CSMD1: variants seen among roughly 807,000 people sequenced by gnomAD.
The protein encoded by CSMD1 is CUB and Sushi multiple domains 1, also known as CUB and sushi domain-containing protein 1.
Under a neutral mutation model 417.5 loss-of-function variants are expected in CSMD1, and 213 were observed. The observed-to-expected ratio is 0.51, with a 90% CI of 0.46 to 0.57. The LOEUF is 0.57. CSMD1 is among the 20% of genes least tolerant of loss of function. The pLI, the probability that CSMD1 is intolerant of heterozygous loss-of-function variation, is 0.00. For synonymous variants in CSMD1, 2,862 were observed against 1,736.8 expected (o/e 1.65, Z -16.11); for missense variants, 6,923 against 4,529.7 (o/e 1.53, Z -15.17).
At chr8:3,912,646 C>T (rs1001363570) in intron 5 of CSMD1, among the ~76,000 whole-genome samples, 1 of 152,014 alleles carries the variant, frequency 6.6e-6, no homozygotes, top group African/African-American at 2.4e-5. Context: ...CAAGCGTCCT[C>T]AAGTGGAAAA....
intron 3 of CSMD1, among the ~76,000 whole-genome samples, chr8:4,347,788 T>C (rs1239059674): frequency 6.6e-6 from 1 of 152,118 alleles, no homozygotes; most frequent in Non-Finnish European, 1.5e-5. Flanking sequence ...TTAGTAACTC[T>C]AAATAAAATC....
chr8:3,979,688 G>A (rs193220795), intron 5 of CSMD1, among the ~76,000 whole-genome samples: 4 of 152,284 alleles, frequency 2.6e-5, no homozygotes, highest in Admixed American at 2.6e-4. Context: ...CTATGAGCCA[G>A]GACGCAATGC....
intron 3 of CSMD1, among the ~76,000 whole-genome samples, chr8:4,400,975 G>C (rs1804607304): frequency 1.3e-5 from 2 of 151,930 alleles, no homozygotes; most frequent in South Asian, 2.1e-4. Context: ...TATTCCCTAA[G>C]TATTTTAACA....
At chr8:4,869,958 A>G (rs1802639455) in intron 1 of CSMD1, among the ~76,000 whole-genome samples, 1 of 152,086 alleles carries the variant, frequency 6.6e-6, no homozygotes. Flanking sequence ...TAATCTTATA[A>G]TTGGTTAAGG....
chr8:3,572,217 C>T (rs75336309), intron 10 of CSMD1, among the ~76,000 whole-genome samples: 37 of 152,200 alleles, frequency 2.4e-4, no homozygotes, highest in African/African-American at 8.7e-4. Context: ...AGCCCCCTCT[C>T]AGTCCAAGTG....
At chr8:3,682,519 G>A (rs960372786) in intron 7 of CSMD1, among the ~76,000 whole-genome samples, 8 of 152,070 alleles carry the variant, frequency 5.3e-5, no homozygotes, top group African/African-American at 9.7e-5. Flanking sequence ...TTGGAATGGC[G>A]ATCATTAAAA....
At chr8:4,725,604 G>A (rs1047891885) in intron 1 of CSMD1, among the ~76,000 whole-genome samples, 7 of 152,154 alleles carry the variant, frequency 4.6e-5, no homozygotes, top group African/African-American at 7.2e-5. Context: ...CGTCTCAAAT[G>A]TCCACTTTTT....
chr8:3,664,281 G>A (rs1019993055), intron 7 of CSMD1, among the ~76,000 whole-genome samples: 1 of 152,154 alleles, frequency 6.6e-6, no homozygotes, highest in Non-Finnish European at 1.5e-5. Context: ...AGAACATGCG[G>A]TGTTTGGTTT....
intron 2 of CSMD1, among the ~76,000 whole-genome samples, chr8:4,548,840 G>A (rs761588415): frequency 6.6e-6 from 1 of 152,042 alleles, no homozygotes; most frequent in Admixed American, 6.5e-5. Context: ...CTTGGTCTTG[G>A]GGGGACATGT....
chr8:3,116,270 T>C (rs983356079), intron 42 of CSMD1, among the ~76,000 whole-genome samples: 1 of 152,136 alleles, frequency 6.6e-6, no homozygotes, highest in Non-Finnish European at 1.5e-5. Flanking sequence ...GAATCGTGCG[T>C]TTCGGTTTCT....
chr8:4,325,509 T>C (rs2128887103), intron 3 of CSMD1, among the ~76,000 whole-genome samples: 1 of 152,336 alleles, frequency 6.6e-6, no homozygotes, highest in South Asian at 2.1e-4. Flanking sequence ...TGCTCATTTT[T>C]GCATACTCAC....
At chr8:4,171,844 C>G (rs1797780436) in intron 3 of CSMD1, among the ~76,000 whole-genome samples, 1 of 152,096 alleles carries the variant, frequency 6.6e-6, no homozygotes. Flanking sequence ...AAAAAATGCC[C>G]ATTATGTGTG....
chr8:4,654,497 A>G (rs558938021), intron 1 of CSMD1, among the ~76,000 whole-genome samples: 51 of 152,084 alleles, frequency 3.4e-4, no homozygotes, highest in Admixed American at 7.9e-4. Context: ...GAAACGAAGT[A>G]CCAGGCAATG....
chr8:4,309,222 G>A lies in CSMD1; in HGVS notation c.415+110731C>T, dbSNP rs545188712. Among the ~76,000 whole-genome samples, 62 of 152,114 alleles carry A rather than the reference G, an allele frequency of 4.1e-4. No homozygotes were observed. In the East Asian group the frequency reaches 9.5e-3, roughly 23 times the overall value. Reference sequence around the variant, plus strand: ...TTCCTAGGGTCAGTTTGATATTACCGTTAAGTGCAAGACCCATAATTTTAA... The same window carrying A: ...TTCCTAGGGTCAGTTTGATATTACCATTAAGTGCAAGACCCATAATTTTAA... On this transcript the variant is annotated intron_variant, in intron 3 of 69. Transcript: ENST00000635120.
At chr8:3,181,078 T>C (rs1322143905) in intron 37 of CSMD1, 32 bp downstream of exon 37, 3 of 1,360,894 alleles carry the variant, frequency 2.2e-6, no homozygotes, top group Admixed American at 3.4e-5. Context: ...AGTATAACAG[T>C]GGAAGCTGTA....
At chr8:3,513,669 C>T (rs1413154463) in intron 10 of CSMD1, among the ~76,000 whole-genome samples, 1 of 152,150 alleles carries the variant, frequency 6.6e-6, no homozygotes, top group Non-Finnish European at 1.5e-5. Flanking sequence ...GCCAATATGC[C>T]AGCAGGTCCA....
chr8:3,752,004 G>C (rs1013226843), intron 6 of CSMD1, among the ~76,000 whole-genome samples: 1 of 152,076 alleles, frequency 6.6e-6, no homozygotes, highest in Admixed American at 6.6e-5. Flanking sequence ...CATAGATAAG[G>C]ATCACTGAAG....
At chr8:4,348,264 G>C (rs1462048276) in intron 3 of CSMD1, among the ~76,000 whole-genome samples, 1 of 152,056 alleles carries the variant, frequency 6.6e-6, no homozygotes, top group Non-Finnish European at 1.5e-5. Context: ...TCATGTCTAA[G>C]GGGAAGGTAG....
At chr8:3,815,605 T>C (rs1287712693) in intron 5 of CSMD1, among the ~76,000 whole-genome samples, 1 of 146,412 alleles carries the variant, frequency 6.8e-6, no homozygotes, top group African/African-American at 2.5e-5. Context: ...GACTTAAAAA[T>C]GTCTATCACT....
Sources: gnomAD v4.1 joint callset for allele counts (sites outside exome capture counted in the v4.1 genomes callset) on GRCh38, gnomAD v4.1.1 for gene constraint, MANE v1.5 for transcripts, NCBI Gene and HGNC (gene_info 2026-07-23, HGNC 2026-07-21) for gene names.